The following AGBL4 variants were observed in gnomAD, a reference collection of about 807,000 sequenced individuals.
The protein encoded by AGBL4 is AGBL carboxypeptidase 4.
A neutral mutation model predicts 66.4 loss-of-function variants in AGBL4; 58 were observed. That is an observed-to-expected ratio of 0.87 (90% CI 0.71 to 1.09). The LOEUF (loss-of-function observed/expected upper bound fraction) is 1.09, where lower values mean the gene tolerates loss of function less well. AGBL4 is among the 50% of genes least tolerant of loss of function. The pLI is 0.00. For synonymous variants in AGBL4, 234 were observed against 222.9 expected, an observed-to-expected ratio of 1.05 and a Z score of -0.44; for missense variants, 579 against 631.0, an observed-to-expected ratio of 0.92 and a Z score of 0.88.
intron 3 of AGBL4, among the ~76,000 whole-genome samples, chr1:49,509,399 A>G (rs540293803): frequency 6.6e-6 from 1 of 151,806 alleles, no homozygotes; most frequent in Non-Finnish European, 1.5e-5. Flanking sequence ...TATTTTCCTC[A>G]ACTTTTAGAT....
intron 4 of AGBL4, among the ~76,000 whole-genome samples, chr1:49,185,331 A>C (rs928468092): frequency 6.6e-6 from 1 of 152,218 alleles, no homozygotes; most frequent in African/African-American, 2.4e-5. Context: ...GCTACAAGCA[A>C]AGCATCACAA....
rs149084697 is a variant in AGBL4 at position 49,599,906 on chromosome 1, G to A, written c.282+97407C>T. Among the ~76,000 whole-genome samples, 62 of 152,180 alleles carry A rather than the reference G, an allele frequency of 4.1e-4. 1 individual carries two copies. The highest frequency in any genetic ancestry group is 1.0e-3 in the African/African-American group (43 of 41,538). On this transcript the variant is annotated intron_variant, in intron 3 of 13. Coordinates refer to ENST00000371839, the MANE Select transcript of AGBL4 (RefSeq NM_032785.4). ...CAGGAGCAGCTTGTTCAGTTTCCACGTAGCTGTGCATTTTTGAATTAGCTT... is the reference window on the plus strand; with the variant it reads ...CAGGAGCAGCTTGTTCAGTTTCCACATAGCTGTGCATTTTTGAATTAGCTT...
chr1:48,539,581 G>T, intron 12 of AGBL4, 61 bp downstream of exon 12: 1 of 1,301,626 alleles, frequency 7.7e-7, no homozygotes. Flanking sequence ...AAGGGAAGTT[G>T]CCCCTGAATA....
intron 5 of AGBL4, among the ~76,000 whole-genome samples, chr1:49,033,221 G>A (rs942641275): frequency 1.3e-5 from 2 of 152,068 alleles, no homozygotes; most frequent in Non-Finnish European, 2.9e-5. Context: ...TGGCCTGCTG[G>A]AAGGGAGCCA....
intron 3 of AGBL4, among the ~76,000 whole-genome samples, chr1:49,515,377 G>T (rs930547908): frequency 1.1e-4 from 16 of 152,076 alleles, no homozygotes; most frequent in Non-Finnish European, 2.4e-4. Context: ...TCATTAAAAA[G>T]TCAGGAAACA....
intron 4 of AGBL4, among the ~76,000 whole-genome samples, chr1:49,149,273 C>G (rs1426829863): frequency 6.6e-6 from 1 of 152,180 alleles, no homozygotes; most frequent in Admixed American, 6.5e-5. Context: ...AAAATTGTTA[C>G]TCTGTATCTC....
intron 3 of AGBL4, among the ~76,000 whole-genome samples, chr1:49,454,894 T>G (rs1646356132): frequency 6.6e-6 from 1 of 151,830 alleles, no homozygotes; most frequent in South Asian, 2.1e-4. Context: ...ATGAATTTAC[T>G]GTCTTGCTAT....
At chr1:49,006,150 C>T (rs1434076369) in intron 5 of AGBL4, among the ~76,000 whole-genome samples, 20 of 152,036 alleles carry the variant, frequency 1.3e-4, no homozygotes, top group African/African-American at 4.6e-4. Flanking sequence ...AGACAGTGGG[C>T]GCAGGTCAGT....
intron 3 of AGBL4, among the ~76,000 whole-genome samples, chr1:49,593,643 G>A (rs866266858): frequency 1.6e-4 from 24 of 152,190 alleles, no homozygotes; most frequent in Admixed American, 1.4e-3. Flanking sequence ...TGAACCCAGC[G>A]CTACTTATTG....
chr1:49,684,038 C>A (rs1292488993), intron 3 of AGBL4, among the ~76,000 whole-genome samples: 1 of 152,112 alleles, frequency 6.6e-6, no homozygotes, highest in African/African-American at 2.4e-5. Flanking sequence ...GGTCAGGCTA[C>A]AAGTGGATTG....
intron 8 of AGBL4, among the ~76,000 whole-genome samples, chr1:48,639,102 A>C (rs983347454): frequency 6.6e-6 from 1 of 152,216 alleles, no homozygotes; most frequent in Non-Finnish European, 1.5e-5. Flanking sequence ...GAGGTCAGAG[A>C]TCCTGAAAGG....
At chr1:49,684,956 TG>T (rs1571325080) in intron 3 of AGBL4, among the ~76,000 whole-genome samples, 5 of 152,160 alleles carry the variant, frequency 3.3e-5, no homozygotes, top group Admixed American at 3.3e-4. Flanking sequence ...GTTTGTTACA[TG>T]GGTAAATTGC....
chr1:49,766,614 A>G (rs1300567461), intron 2 of AGBL4, among the ~76,000 whole-genome samples: 2 of 151,746 alleles, frequency 1.3e-5, no homozygotes, highest in African/African-American at 4.8e-5. Flanking sequence ...GAATGCCCCC[A>G]CTTAAAAGGC....
intron 6 of AGBL4, among the ~76,000 whole-genome samples, chr1:48,767,756 A>G (rs1207490342): frequency 6.6e-6 from 1 of 152,234 alleles, no homozygotes; most frequent in South Asian, 2.1e-4. Context: ...ACAAAAATAA[A>G]TGTGCAGCCT....
intron 3 of AGBL4, among the ~76,000 whole-genome samples, chr1:49,562,996 T>C (rs1644091493): frequency 6.6e-6 from 1 of 152,162 alleles, no homozygotes; most frequent in African/African-American, 2.4e-5. Context: ...GAGCAGTGGT[T>C]CGTAGTTATC....
chr1:49,373,488 T>C (rs1644408888), intron 3 of AGBL4, among the ~76,000 whole-genome samples: 1 of 151,982 alleles, frequency 6.6e-6, no homozygotes, highest in Non-Finnish European at 1.5e-5. Flanking sequence ...GGCCATAATA[T>C]TGGAACTGAG....
chr1:49,212,933 GC>G (rs1357032983), intron 4 of AGBL4, among the ~76,000 whole-genome samples: 1 of 152,058 alleles, frequency 6.6e-6, no homozygotes, highest in East Asian at 1.9e-4. Context: ...ACAAGTAATA[GC>G]AAAAGCATTT....
intron 9 of AGBL4, among the ~76,000 whole-genome samples, chr1:48,609,533 C>T (rs1645204863): frequency 6.6e-6 from 1 of 152,156 alleles, no homozygotes; most frequent in Non-Finnish European, 1.5e-5. Context: ...ACAATCCTCC[C>T]ACCTCAGCCT....
chr1:49,702,543 T>C (rs1378216280), intron 2 of AGBL4, among the ~76,000 whole-genome samples: 1 of 151,760 alleles, frequency 6.6e-6, no homozygotes, highest in Non-Finnish European at 1.5e-5. Flanking sequence ...CCAAAAAAAA[T>C]TGAAGAAAAG....
Sources: gnomAD v4.1 joint callset for allele counts (sites outside exome capture counted in the v4.1 genomes callset) on GRCh38, gnomAD v4.1.1 for gene constraint, MANE v1.5 for transcripts, NCBI Gene and HGNC (gene_info 2026-07-23, HGNC 2026-07-21) for gene names.